ABLIM2: variants seen among roughly 807,000 people sequenced by gnomAD.
ABLIM2 encodes the protein actin-binding LIM protein 2.
A neutral mutation model predicts 97.7 loss-of-function variants in ABLIM2; 53 were observed. The ratio of observed to expected loss-of-function variants is 0.54; its 90% CI spans 0.44 to 0.68. The LOEUF (loss-of-function observed/expected upper bound fraction) is 0.68, where lower values mean the gene tolerates loss of function less well. ABLIM2 is among the 30% of genes least tolerant of loss of function. ABLIM2 has a pLI of 0.00. For missense variants in ABLIM2, 835 were observed against 867.2 expected, an observed-to-expected ratio of 0.96 and a Z score of 0.47; for synonymous variants, 361 against 345.8, an observed-to-expected ratio of 1.04 and a Z score of -0.49.
At position 8,075,430 on chromosome 4, in the gene ABLIM2, C is replaced by G. The variant is rs1013873114; in HGVS notation, c.675+2198G>C. Among the ~76,000 whole-genome samples, 1 of 152,148 alleles carries G rather than the reference C, an allele frequency of 6.6e-6. No homozygotes were observed. The highest frequency in any genetic ancestry group is 1.5e-5 in the Non-Finnish European group (1 of 68,028). ...TGAATGGGCTGGGTATGGTGACTCA[C>G]ACCTGTAATCCCAGCACTTTGGGCG... On this transcript the variant is annotated intron_variant, in intron 6 of 20. Coordinates refer to ENST00000447017, the MANE Select transcript of ABLIM2 (RefSeq NM_001130083.2). This position sits in a 1 kb window ranked among gnomAD's most constrained non-coding sequence, Gnocchi z 4.4.
chr4:8,095,870 C>T lies in ABLIM2; in HGVS notation c.338+1229G>A, dbSNP rs1222601344. On this transcript the variant is annotated intron_variant, in intron 3 of 20. Transcript: ENST00000447017. The surrounding 1 kb of genome is among the most constrained non-coding windows in gnomAD (Gnocchi z 4.7). ...TGTTTCCCAAATCCAGGAATTGTTT[C>T]GCTTGCAGCAACCTGGTCATTCTCT... 6.6e-6 allele frequency among the ~76,000 whole-genome samples: 1 copy of T among 152,184 alleles called. No homozygotes were observed. The highest frequency in any genetic ancestry group is 2.4e-5 in the African/African-American group (1 of 41,430).
At chr4:8,009,405 T>C (rs1763423222) in intron 14 of ABLIM2, among the ~76,000 whole-genome samples, 1 of 152,072 alleles carries the variant, frequency 6.6e-6, no homozygotes, top group Non-Finnish European at 1.5e-5. Flanking sequence ...GTTTTGTTTT[T>C]TGTTTTTTTG....
chr4:8,129,257 A>T (rs1849004391), intron 1 of ABLIM2, among the ~76,000 whole-genome samples: 1 of 152,172 alleles, frequency 6.6e-6, no homozygotes, highest in African/African-American at 2.4e-5. Flanking sequence ...AAAAAGCAGA[A>T]ATACGTATGC....
chr4:8,067,223 G>A lies in ABLIM2; in HGVS notation c.676-6169C>T, dbSNP rs1369053005. 3 of 152,290 alleles carry A rather than the reference G, an allele frequency of 2.0e-5. No individual in the cohort carries two copies. Among genetic ancestry groups the A allele is most frequent in the African/African-American group, 7.2e-5 (3 of 41,450 alleles). The allele number at this position is 152,290 out of a possible 1,614,324, so 9.4% of individuals were successfully genotyped here. ...GGACATTTGTGGCTGAGCCCCTGCAGGTCCGGGGCCTCAGAGCACGGAATT... is the reference window on the plus strand; with the variant it reads ...GGACATTTGTGGCTGAGCCCCTGCAAGTCCGGGGCCTCAGAGCACGGAATT... On this transcript the variant is annotated intron_variant, in intron 6 of 20. Coordinates refer to ENST00000447017, the MANE Select transcript of ABLIM2 (RefSeq NM_001130083.2). This position sits in a 1 kb window ranked among gnomAD's most constrained non-coding sequence, Gnocchi z 5.4.
At chr4:8,103,851 A>T (rs1268545576) in intron 2 of ABLIM2, among the ~76,000 whole-genome samples, 1 of 152,214 alleles carries the variant, frequency 6.6e-6, no homozygotes, top group African/African-American at 2.4e-5. Flanking sequence ...TGCATGCCCA[A>T]GGTCTGTGCT....
chr4:8,118,208 C>A (rs1386434532), intron 1 of ABLIM2, among the ~76,000 whole-genome samples: 1 of 152,190 alleles, frequency 6.6e-6, no homozygotes, highest in Non-Finnish European at 1.5e-5. Flanking sequence ...GAGCTCAACA[C>A]ACGCCAGGGC....
Position 8,128,081 on chromosome 4 carries a change from GGGA to G in ABLIM2, c.11-21447_11-21445del, listed in dbSNP as rs1848714037. ...GGACCCTGCTCTTCACAGGGGTATA[GGGA>G]GCTCAGGCTGCCTCTTCCCGCTGCT... On this transcript the variant is annotated intron_variant, in intron 1 of 20. Transcript: ENST00000447017. The surrounding 1 kb of genome is among the most constrained non-coding windows in gnomAD (Gnocchi z 4.9). Among the ~76,000 whole-genome samples, 1 of 152,176 alleles carries G rather than the reference GGGA, an allele frequency of 6.6e-6. No individual in the cohort carries two copies. Among genetic ancestry groups the G allele is most frequent in the South Asian group, 2.1e-4 (1 of 4,824 alleles).
At position 8,095,779 on chromosome 4, in the gene ABLIM2, CT is replaced by C. The variant is rs1386892392; in HGVS notation, c.338+1319del. On this transcript the variant is annotated intron_variant, in intron 3 of 20. Coordinates refer to ENST00000447017, the MANE Select transcript of ABLIM2 (RefSeq NM_001130083.2). The surrounding 1 kb of genome is among the most constrained non-coding windows in gnomAD (Gnocchi z 4.7). ...TTTTGTCTTCTGGATGAGACGCGAC[CT>C]TTTGGTGTCCACACTGCATGCCCTG... Among the ~76,000 whole-genome samples, 3 of 152,126 alleles carry C rather than the reference CT, an allele frequency of 2.0e-5. No individual in the cohort carries two copies. The highest frequency in any genetic ancestry group is 7.2e-5 in the African/African-American group (3 of 41,434).
At chr4:8,060,792 A>G (rs1051154339) in intron 7 of ABLIM2, among the ~76,000 whole-genome samples, 175 bp downstream of exon 7, 5 of 152,098 alleles carry the variant, frequency 3.3e-5, no homozygotes, top group African/African-American at 9.7e-5. Context: ...CAGGCTGACG[A>G]GGCTGGCCTG....
In ABLIM2 at chr4:8,046,034, G is replaced by C. The variant is rs1187670059; in HGVS notation, c.823-793C>G. Among the ~76,000 whole-genome samples, 2 of 152,160 alleles carry C rather than the reference G, an allele frequency of 1.3e-5. No individual in the cohort carries two copies. The highest frequency in any genetic ancestry group is 2.9e-5 in the Non-Finnish European group (2 of 68,022). Reference sequence around the variant, plus strand: ...CTGCTCCCACCTGACACACAACTTAGAAATGGCCCTTCGGAGCCCCCTGGC... The same window carrying C: ...CTGCTCCCACCTGACACACAACTTACAAATGGCCCTTCGGAGCCCCCTGGC... On this transcript the variant is annotated intron_variant, in intron 8 of 20. Transcript: ENST00000447017. This position sits in a 1 kb window ranked among gnomAD's most constrained non-coding sequence, Gnocchi z 4.4.
At chr4:8,084,448 G>C (rs1821987995) in intron 4 of ABLIM2, among the ~76,000 whole-genome samples, 1 of 152,160 alleles carries the variant, frequency 6.6e-6, no homozygotes, top group South Asian at 2.1e-4. Context: ...CTCTGGTTTG[G>C]GCACCCACCC....
At chr4:8,145,869 ATC>A (rs1352507180) in intron 1 of ABLIM2, among the ~76,000 whole-genome samples, 1 of 151,730 alleles carries the variant, frequency 6.6e-6, no homozygotes, top group Non-Finnish European at 1.5e-5. Flanking sequence ...AAAATAGAGT[ATC>A]TCAGAGCAAG....
At position 8,127,605 on chromosome 4, in the gene ABLIM2, G is replaced by A. The variant is rs1461557522; in HGVS notation, c.11-20968C>T. 19 of 1,289,476 alleles carry A rather than the reference G, an allele frequency of 1.5e-5. No individual in the cohort carries two copies. The highest frequency in any genetic ancestry group is 5.5e-5 in the East Asian group (1 of 18,024). 79.9% of individuals were successfully genotyped at this position (1,289,476 alleles called of 1,614,324 possible). A position where few individuals can be genotyped will look rare whatever the true frequency, so the allele number is the denominator to read the frequency against. On this transcript the variant is annotated intron_variant, in intron 1 of 20. Transcript: ENST00000447017. The surrounding 1 kb of genome is among the most constrained non-coding windows in gnomAD (Gnocchi z 7.3). ...GCTGCTTGCAAAGGGCCAGCGGGTCGGCGGCTCTCCCTCTGCGTGGCTGGG... is the reference window on the plus strand; with the variant it reads ...GCTGCTTGCAAAGGGCCAGCGGGTCAGCGGCTCTCCCTCTGCGTGGCTGGG...
In ABLIM2 at chr4:7,999,307, C is replaced by T. The variant is rs187729640; in HGVS notation, c.1619-6380G>A. Among the ~76,000 whole-genome samples, 13 of 152,322 alleles carry T rather than the reference C, an allele frequency of 8.5e-5. No individual in the cohort carries two copies. In the East Asian group the frequency reaches 2.5e-3, roughly 29 times the overall value. On this transcript the variant is annotated intron_variant, in intron 16 of 20. Coordinates refer to ENST00000447017, the MANE Select transcript of ABLIM2 (RefSeq NM_001130083.2). The surrounding 1 kb of genome is among the most constrained non-coding windows in gnomAD (Gnocchi z 4.4). ...TCCCGACCTCAGGTGATCTGCCTGCCTCGGCCTCCAAAAATGCTGAGATTA... is the reference window on the plus strand; with the variant it reads ...TCCCGACCTCAGGTGATCTGCCTGCTTCGGCCTCCAAAAATGCTGAGATTA...
rs1347441705 is a variant in ABLIM2, at chr4:7,998,948, AC to A, written c.1619-6022del. On this transcript the variant is annotated intron_variant, in intron 16 of 20. Coordinates refer to ENST00000447017, the MANE Select transcript of ABLIM2 (RefSeq NM_001130083.2). The surrounding 1 kb of genome is among the most constrained non-coding windows in gnomAD (Gnocchi z 6.4). ...GAGAGAGACGAGGCGACACTATCTC[AC>A]CCCCTGGACTGCTGTCTGGACTCCT... Among the ~76,000 whole-genome samples, 3 of 151,860 alleles carry A rather than the reference AC, an allele frequency of 2.0e-5. No homozygotes were observed. The highest frequency in any genetic ancestry group is 2.9e-5 in the Non-Finnish European group (2 of 67,994).
chr4:8,097,399 C>G (rs1399996755), intron 2 of ABLIM2, 117 bp from the exon 3 acceptor site: 1 of 1,269,984 alleles, frequency 7.9e-7, no homozygotes, highest in African/African-American at 1.5e-5. Flanking sequence ...GCACTGAGGC[C>G]TCGGCACACA....
rs751928912 is a variant in ABLIM2, at chr4:7,992,907, C to A, written c.1639G>T (p.Asp547Tyr). ...FHSRFPYSKS[D>Y]PLPGHGKNGL... Reference sequence around the variant, plus strand: ...TTCTTTCCATGTCCTGGGAGAGGGTCAGATTTGGAATAGGGGAATCCTGAA... The same window carrying A: ...TTCTTTCCATGTCCTGGGAGAGGGTAAGATTTGGAATAGGGGAATCCTGAA... Residue 547 changes from aspartate to tyrosine, a missense_variant, in exon 17 of 21, where the codon GAC becomes TAC. Coordinates refer to ENST00000447017, the MANE Select transcript of ABLIM2 (RefSeq NM_001130083.2). This position sits in a 1 kb window ranked among gnomAD's most constrained non-coding sequence, Gnocchi z 5.7. 1 of 1,613,114 alleles carries A rather than the reference C, an allele frequency of 6.2e-7. No individual in the cohort carries two copies. Among genetic ancestry groups the A allele is most frequent in the South Asian group, 1.1e-5 (1 of 90,858 alleles).
In ABLIM2 at chr4:8,149,180, G is replaced by C. The variant is rs752797928; in HGVS notation, c.10+9500C>G. Among the ~76,000 whole-genome samples the C allele has an allele frequency of 6.6e-6, 1 of 152,190 alleles. No individual in the cohort carries two copies. The highest frequency in any genetic ancestry group is 6.5e-5 in the Admixed American group (1 of 15,280). ...CCTCCCTTCATCCTCAGAGCCAGGC[G>C]TGGAGACTTCTCTCTCCTCTCTGCT... is the stretch of plus-strand genomic sequence containing the variant. On this transcript the variant is annotated intron_variant, in intron 1 of 20. Coordinates refer to ENST00000447017, the MANE Select transcript of ABLIM2 (RefSeq NM_001130083.2). This position sits in a 1 kb window ranked among gnomAD's most constrained non-coding sequence, Gnocchi z 6.4.
At chr4:7,978,025 A>G (rs1488360004) in intron 20 of ABLIM2, among the ~76,000 whole-genome samples, 2 of 152,140 alleles carry the variant, frequency 1.3e-5, no homozygotes, top group African/African-American at 4.8e-5. Flanking sequence ...GGGTGGGGGA[A>G]TTCCTTAAGA....
Sources: allele counts gnomAD v4.1 joint callset (sites outside exome capture counted in the v4.1 genomes callset), GRCh38; gene constraint gnomAD v4.1.1; non-coding constraint Gnocchi (gnomAD v3.1); transcripts MANE v1.5; gene names NCBI Gene and HGNC (gene_info 2026-07-23, HGNC 2026-07-21).